The following PTPRM variants were observed in gnomAD, a reference collection of about 807,000 sequenced individuals.
PTPRM encodes receptor-type tyrosine-protein phosphatase mu.
Under a neutral mutation model 186.7 loss-of-function variants are expected in PTPRM, and 47 were observed. That is an observed-to-expected ratio of 0.25 (90% CI 0.20 to 0.32). PTPRM has a LOEUF of 0.32. PTPRM is among the 10% of genes least tolerant of loss of function. The pLI is 1.00. For missense variants in PTPRM, 1,494 were observed against 1,865.0 expected (o/e 0.80, Z 3.66); for synonymous variants, 668 against 674.9 (o/e 0.99, Z 0.16).
intron 14 of PTPRM, among the ~76,000 whole-genome samples, chr18:8,222,839 C>T (rs2094169331): frequency 6.6e-6 from 1 of 152,126 alleles, no homozygotes. Flanking sequence ...CCTTTAATCC[C>T]AGCTGATCAG....
chr18:7,604,053 A>T (rs73941945), intron 1 of PTPRM, among the ~76,000 whole-genome samples: 2,698 of 152,338 alleles, frequency 0.018, 88 homozygotes, highest in African/African-American at 0.061. Flanking sequence ...TTTTCACACA[A>T]GAAATGATTT....
chr18:7,972,660 G>A (rs1012743058), intron 7 of PTPRM, among the ~76,000 whole-genome samples: 2 of 151,782 alleles, frequency 1.3e-5, no homozygotes, highest in African/African-American at 2.4e-5. Flanking sequence ...CCTAATTTGA[G>A]TAATGAATTC....
Position 8,386,828 on chromosome 18 carries a change from G to A in PTPRM, c.4045-244G>A, listed in dbSNP as rs117066009. Among the ~76,000 whole-genome samples, 2,565 of 152,266 alleles carry A rather than the reference G, an allele frequency of 0.017. 32 individuals are homozygous for A. The highest frequency in any genetic ancestry group is 0.025 in the Non-Finnish European group (1,718 of 68,010). ...ATTTTTCTCTTGGCTTTTGCAGAAT[G>A]GGAAGCATTCTGCCTCACTGGCCTG... On this transcript the variant is annotated intron_variant, in intron 30 of 32. Coordinates refer to ENST00000580170, the MANE Select transcript of PTPRM (RefSeq NM_001105244.2).
intron 5 of PTPRM, among the ~76,000 whole-genome samples, chr18:7,945,886 T>C (rs1489844925): frequency 1.3e-5 from 2 of 152,224 alleles, no homozygotes; most frequent in African/African-American, 4.8e-5. Flanking sequence ...TTGAGTAAGA[T>C]GTGTGATTTG....
Position 7,774,179 on chromosome 18 carries a change from C to T in PTPRM, c.104C>T (p.Thr35Ile). The T allele has an allele frequency of 6.2e-7, 1 of 1,612,206 alleles. No homozygotes were observed. Among genetic ancestry groups the T allele is most frequent in the Non-Finnish European group, 8.5e-7 (1 of 1,178,268 alleles). Residue 35 changes from threonine (T) to isoleucine (I), a missense_variant, in exon 2 of 33, where the codon ACA (threonine) becomes ATA (isoleucine). Around this residue, in one of 3 missense-constraint regions of PTPRM, gnomAD observed 296 missense variants for 345.5 expected, o/e 0.86. Transcript: ENST00000580170. ...TGCCTCTTTGATGAGCCGTATAGCA[C>T]ATGTGGATATAGTCAATCTGAAGGT... Reference protein sequence around the residue: ...GGCLFDEPYSTCGYSQSEGDD... With the variant: ...GGCLFDEPYSICGYSQSEGDD...
At chr18:8,269,157 G>A (rs2094739293) in intron 19 of PTPRM, among the ~76,000 whole-genome samples, 1 of 151,926 alleles carries the variant, frequency 6.6e-6, no homozygotes, top group Admixed American at 6.6e-5. Flanking sequence ...CTTATATATA[G>A]AAATACCTCA....
intron 7 of PTPRM, among the ~76,000 whole-genome samples, chr18:7,984,930 AATATATACAT>A (rs1225627272): frequency 8.7e-4 from 86 of 98,648 alleles, no homozygotes; most frequent in South Asian, 5.6e-3. Context: ...TACATATATA[AATATATACAT>A]ATATATACAT....
intron 14 of PTPRM, among the ~76,000 whole-genome samples, chr18:8,192,498 C>A (rs2093722488): frequency 1.3e-5 from 2 of 152,030 alleles, no homozygotes; most frequent in African/African-American, 2.4e-5. Flanking sequence ...GAAAGGGCTC[C>A]CACAGGCCAA....
In PTPRM at chr18:8,016,449, TGGCGGA is replaced by T. The variant is rs536553098; in HGVS notation, c.1133-53222_1133-53217del. ...GCATGAGAGTCACTTGAACCTCTCA[TGGCGGA>T]GGCGGAGGCGGAGGTTGCAGTGAGC... On this transcript the variant is annotated intron_variant, in intron 7 of 32. Transcript: ENST00000580170. Among the ~76,000 whole-genome samples, 666 of 147,364 alleles carry T rather than the reference TGGCGGA, an allele frequency of 4.5e-3. 1 individual carries two copies. The highest frequency in any genetic ancestry group is 7.4e-3 in the Non-Finnish European group (500 of 67,324).
At chr18:8,347,713 G>A (rs2148297762) in intron 23 of PTPRM, among the ~76,000 whole-genome samples, 1 of 152,294 alleles carries the variant, frequency 6.6e-6, no homozygotes, top group African/African-American at 2.4e-5. Flanking sequence ...TGTGGCTGAA[G>A]TGGGTGGTGG....
intron 2 of PTPRM, among the ~76,000 whole-genome samples, chr18:7,885,503 CA>C (rs2048739427): frequency 6.6e-6 from 1 of 152,176 alleles, no homozygotes; most frequent in African/African-American, 2.4e-5. Flanking sequence ...TGCCCCTCAT[CA>C]CTTCACAACA....
At chr18:7,855,135 C>G (rs964912124) in intron 2 of PTPRM, among the ~76,000 whole-genome samples, 5 of 152,110 alleles carry the variant, frequency 3.3e-5, no homozygotes, top group Admixed American at 2.0e-4. Flanking sequence ...TCCTTCTCCC[C>G]TGGTGGAGGA....
chr18:7,936,117 G>C (rs1030823772), intron 5 of PTPRM, among the ~76,000 whole-genome samples: 3 of 152,210 alleles, frequency 2.0e-5, no homozygotes, highest in Non-Finnish European at 4.4e-5. Context: ...GCGGGAACTG[G>C]GAACAGGTAG....
chr18:8,086,423 C>T (rs1449118196), intron 10 of PTPRM, among the ~76,000 whole-genome samples: 1 of 152,114 alleles, frequency 6.6e-6, no homozygotes, highest in Non-Finnish European at 1.5e-5. Flanking sequence ...TATTTCTAGG[C>T]ATGTTCAACT....
chr18:7,870,561 T>A (rs779674152), intron 2 of PTPRM, among the ~76,000 whole-genome samples: 1 of 152,234 alleles, frequency 6.6e-6, no homozygotes, highest in African/African-American at 2.4e-5. Flanking sequence ...TCTCTAGTAC[T>A]TAATTTTCTG....
intron 1 of PTPRM, among the ~76,000 whole-genome samples, chr18:7,700,811 C>T (rs993816659): frequency 6.6e-6 from 1 of 150,972 alleles, no homozygotes; most frequent in Non-Finnish European, 1.5e-5. Flanking sequence ...GGCAATATGG[C>T]GAAACCCATG....
In PTPRM at chr18:7,875,327, AT is replaced by A. The variant is rs796334079; in HGVS notation, c.197-12765del. 6.2e-3 allele frequency among the ~76,000 whole-genome samples: 895 copies of A among 143,568 alleles called. 11 individuals carry two copies. Among genetic ancestry groups the A allele is most frequent in the South Asian group, 0.026 (118 of 4,502 alleles). 94.2% of individuals were successfully genotyped at this position (143,568 alleles called of 152,430 possible). On this transcript the variant is annotated intron_variant, in intron 2 of 32. Coordinates refer to ENST00000580170, the MANE Select transcript of PTPRM (RefSeq NM_001105244.2). ...TGAAACATTCTTGGTAACGTGCACC[AT>A]TTTTTTTTTTTTTGAGAAGGAGTCT...
At chr18:8,238,788 G>T (rs2094381213) in intron 14 of PTPRM, among the ~76,000 whole-genome samples, 1 of 146,344 alleles carries the variant, frequency 6.8e-6, no homozygotes, top group Non-Finnish European at 1.5e-5. Context: ...GTAGTCATAT[G>T]ATTAGGTCTT....
chr18:7,840,353 G>A (rs762318717), intron 2 of PTPRM, among the ~76,000 whole-genome samples: 18 of 152,174 alleles, frequency 1.2e-4, no homozygotes, highest in Non-Finnish European at 2.4e-4. Flanking sequence ...GTATATGTGT[G>A]ATTAGTTGAG....
Sources: allele counts gnomAD v4.1 joint callset (sites outside exome capture counted in the v4.1 genomes callset), GRCh38; gene constraint gnomAD v4.1.1; regional missense constraint gnomAD v4.1.1; transcripts MANE v1.5; gene names NCBI Gene and HGNC (gene_info 2026-07-23, HGNC 2026-07-21).